The following RBM26 variants were observed in gnomAD, a reference collection of about 807,000 sequenced individuals.
RBM26 encodes the protein RNA binding motif protein 26, also known as RNA-binding protein 26.
A neutral mutation model predicts 123.6 loss-of-function variants in RBM26; 30 were observed. That is an observed-to-expected ratio of 0.24 (90% confidence interval 0.18 to 0.33). RBM26 has a LOEUF of 0.33. RBM26 is among the 10% of genes least tolerant of loss of function. The probability of loss-of-function intolerance (pLI) is 1.00; values close to 1 mark genes in which losing one functional copy is unlikely to be tolerated. For missense variants in RBM26, 947 were observed against 1,203.6 expected, an observed-to-expected ratio of 0.79 and a Z score of 3.15; for synonymous variants, 400 against 404.4, an observed-to-expected ratio of 0.99 and a Z score of 0.13.
At chr13:79,372,603 C>T (rs548415150) in intron 3 of RBM26, among the ~76,000 whole-genome samples, 87 of 149,382 alleles carry the variant, frequency 5.8e-4, no homozygotes, top group Non-Finnish European at 1.6e-4. Flanking sequence ...GTTTCGTGGA[C>T]TTGGTGTGGT....
intron 14 of RBM26, among the ~76,000 whole-genome samples, chr13:79,352,529 T>C (rs1251877797): frequency 4.6e-5 from 7 of 151,666 alleles, no homozygotes; most frequent in Admixed American, 4.6e-4. Flanking sequence ...CTTGATTTAA[T>C]AAATATTTAC....
At chr13:79,378,719 C>T (rs2076848319) in intron 2 of RBM26, 70 bp downstream of exon 2, 18 of 926,044 alleles carry the variant, frequency 1.9e-5, no homozygotes, top group Non-Finnish European at 3.0e-5. Context: ...GGATTACAGG[C>T]GTGAGCCACC....
At chr13:79,405,562 G>A (rs910806326) in intron 1 of RBM26, 142 bp downstream of exon 1, 10 of 451,166 alleles carry the variant, frequency 2.2e-5, no homozygotes, top group African/African-American at 4.1e-5. Flanking sequence ...CGAGGTGGAC[G>A]AGGAGGAGAA....
In RBM26 at chr13:79,319,946, T is replaced by TG; in HGVS notation, c.*674dup. The TG allele has an allele frequency of 1.4e-6, 1 of 692,022 alleles. No individual in the cohort carries two copies. Among genetic ancestry groups the TG allele is most frequent in the Non-Finnish European group, 1.7e-6 (1 of 576,314 alleles). The allele number at this position is 692,022 out of a possible 1,614,324, so 42.9% of individuals were successfully genotyped here. A position where few individuals can be genotyped will look rare whatever the true frequency, so the allele number is the denominator to read the frequency against. On this transcript the variant is annotated 3_prime_UTR_variant, in exon 22 of 22. Coordinates refer to ENST00000438737, the MANE Select transcript of RBM26 (RefSeq NM_001366735.2). ...TTTTTTAAATCAAGGAACATTGTCT[T>TG]GGCTTTTTTTTTTTTTTTTTTTTTG...
intron 9 of RBM26, among the ~76,000 whole-genome samples, chr13:79,360,656 T>A (rs887681743): frequency 6.6e-6 from 1 of 152,142 alleles, no homozygotes; most frequent in Non-Finnish European, 1.5e-5. Flanking sequence ...GAGCTGCTTT[T>A]AAATATGGAA....
intron 11 of RBM26, among the ~76,000 whole-genome samples, chr13:79,356,376 AAAAAAAAACAAAC>A (rs552464002): frequency 0.13 from 14,483 of 107,870 alleles, 1,936 homozygotes; most frequent in African/African-American, 0.34. Flanking sequence ...TCTCAAAAAA[AAAAAAAAACAAAC>A]AAAAAAAAAC....
At position 79,320,118 on chromosome 13, in the gene RBM26, C is replaced by A. The variant is rs377465791; in HGVS notation, c.*503G>T. On this transcript the variant is annotated 3_prime_UTR_variant, in exon 22 of 22. Transcript: ENST00000438737. Reference sequence around the variant, plus strand: ...ATGGTAAAATACATACACAGTCCAACAAAAGGCTAATACATAGTAAAGCCT... The same window carrying A: ...ATGGTAAAATACATACACAGTCCAAAAAAAGGCTAATACATAGTAAAGCCT... The A allele has an allele frequency of 2.6e-4, 257 of 970,948 alleles. No homozygotes were observed. In the African/African-American group the frequency reaches 4.2e-3, roughly 16 times the overall value. 60.1% of individuals were successfully genotyped at this position (970,948 alleles called of 1,614,324 possible).
exon 5 of RBM26, chr13:79,313,231 A>G (rs1421693670): frequency 6.6e-6 from 1 of 151,904 alleles, no homozygotes; most frequent in Admixed American, 6.6e-5. Context: ...TCTAATCAAC[A>G]CGGGGATTTT....
At chr13:79,371,737 G>C (rs1437583241) in intron 4 of RBM26, 105 bp downstream of exon 4, 7 of 743,984 alleles carry the variant, frequency 9.4e-6, no homozygotes, top group African/African-American at 3.5e-5. Context: ...ACCAATAAAA[G>C]AGTAGATATT....
At chr13:79,379,190 T>C (rs916618047) in intron 1 of RBM26, among the ~76,000 whole-genome samples, 3 of 151,908 alleles carry the variant, frequency 2.0e-5, no homozygotes, top group Non-Finnish European at 4.4e-5. Context: ...GGAATTCAGA[T>C]TTTATAAAAG....
chr13:79,349,642 A>G (rs556319559), intron 14 of RBM26, among the ~76,000 whole-genome samples: 1 of 152,308 alleles, frequency 6.6e-6, no homozygotes, highest in Non-Finnish European at 1.5e-5. Flanking sequence ...ACTGAATTAA[A>G]AAATAAAAAT....
chr13:79,359,487 G>A (rs1183285333), intron 10 of RBM26, 88 bp downstream of exon 10: 3 of 665,080 alleles, frequency 4.5e-6, no homozygotes, highest in Non-Finnish European at 7.7e-6. Context: ...ATTTTTGGAA[G>A]AAACCAAACC....
intron 1 of RBM26, among the ~76,000 whole-genome samples, chr13:79,388,411 A>G (rs2140349807): frequency 6.6e-6 from 1 of 152,358 alleles, no homozygotes; most frequent in Non-Finnish European, 1.5e-5. Context: ...CATTCTTAAA[A>G]AGAGACTGGA....
chr13:79,351,687 G>A (rs1334099653), intron 14 of RBM26, among the ~76,000 whole-genome samples: 2 of 152,044 alleles, frequency 1.3e-5, no homozygotes, highest in Non-Finnish European at 2.9e-5. Flanking sequence ...AAAGGAAAAC[G>A]AGCAGAAAAG....
chr13:79,373,201 TA>T lies in RBM26; in HGVS notation c.328-1272del, dbSNP rs1238729141. ...TTTTTATATAAATATATAAAATATA[TA>T]AAAATATATAAATATATATAAATAT... On this transcript the variant is annotated intron_variant, in intron 3 of 21. Coordinates refer to ENST00000438737, the MANE Select transcript of RBM26 (RefSeq NM_001366735.2). Among the ~76,000 whole-genome samples, 42 of 113,512 alleles carry T rather than the reference TA, an allele frequency of 3.7e-4. 2 individuals carry two copies. In the South Asian group the frequency reaches 8.0e-3, roughly 22 times the overall value. The allele number at this position is 113,512 out of a possible 152,430, so 74.5% of individuals were successfully genotyped here.
exon 5 of RBM26, chr13:79,311,827 T>A (rs1240652630): frequency 6.6e-6 from 1 of 152,076 alleles, no homozygotes; most frequent in East Asian, 1.9e-4. Context: ...CGTTAACAAC[T>A]GTTTTTAGTA....
At position 79,319,197 on chromosome 13, in the gene RBM26, A is replaced by ATGG. The variant is rs1292672909; in HGVS notation, c.*1421_*1423dup. 3.6e-5 allele frequency: 35 copies of ATGG among 984,540 alleles called. No individual in the cohort carries two copies. Among genetic ancestry groups the ATGG allele is most frequent in the Non-Finnish European group, 4.0e-5 (33 of 829,400 alleles). The allele number at this position is 984,540 out of a possible 1,614,324, so 61.0% of individuals were successfully genotyped here. ...TAAGTTACTCCACTGGCAGAAGACT[A>ATGG]TGGTGGTGGTGGAACAACAGCTTTT... On this transcript the variant is annotated 3_prime_UTR_variant, in exon 22 of 22. Transcript: ENST00000438737.
rs1005479385 is a variant in RBM26 at position 79,392,547 on chromosome 13, ATAAT to A, written c.71+13153_71+13156del. Among the ~76,000 whole-genome samples the A allele has an allele frequency of 2.9e-4, 43 of 146,916 alleles. No homozygotes were observed. The South Asian group carries it at 4.0e-3, about 14-fold the overall frequency. ...TATATGTTATATATTATATATAAAC[ATAAT>A]TAATATGTAAAATATGTTATCCATA... On this transcript the variant is annotated intron_variant, in intron 1 of 21. Coordinates refer to ENST00000438737, the MANE Select transcript of RBM26 (RefSeq NM_001366735.2).
intron 18 of RBM26, among the ~76,000 whole-genome samples, chr13:79,339,457 T>C (rs1390166139): frequency 6.6e-6 from 1 of 152,172 alleles, no homozygotes; most frequent in Non-Finnish European, 1.5e-5. Flanking sequence ...TGTGGGGTGA[T>C]GGACATGTTA....
Sources: gnomAD v4.1 joint callset for allele counts (sites outside exome capture counted in the v4.1 genomes callset) on GRCh38, gnomAD v4.1.1 for gene constraint, MANE v1.5 for transcripts, NCBI Gene and HGNC (gene_info 2026-07-23, HGNC 2026-07-21) for gene names.